CASP14: variants seen among roughly 807,000 people sequenced by gnomAD.
CASP14 encodes caspase-14.
A neutral mutation model predicts 28.4 loss-of-function variants in CASP14; 27 were observed. That is an observed-to-expected ratio of 0.95 (90% confidence interval 0.70 to 1.31). The LOEUF is 1.31. Among genes scored for constraint, CASP14 ranks in the 50% most tolerant of loss-of-function variants. CASP14 has a pLI of 0.00. For missense variants in CASP14, 323 were observed against 312.8 expected (o/e 1.03, Z -0.25); for synonymous variants, 115 against 118.6 (o/e 0.97, Z 0.20).
At position 15,053,931 on chromosome 19, in the gene CASP14, G is replaced by T. The variant is rs764966381; in HGVS notation, c.376G>T (p.Val126Leu). The T allele has an allele frequency of 6.2e-7, 1 of 1,614,004 alleles. No individual in the cohort carries two copies. Among genetic ancestry groups the T allele is most frequent in the Non-Finnish European group, 8.5e-7 (1 of 1,180,008 alleles). ...CCAGGCCCTGCGAGCTAAGCCCAAG[G>T]TGTACATCATACAGGCCTGTCGAGG... ...NCQALRAKPK[V>L]YIIQACRGEQ... The change falls in exon 4 of 7, where the codon GTG becomes TTG. Residue 126 changes from valine to leucine, a missense_variant. Coordinates refer to ENST00000427043, the MANE Select transcript of CASP14 (RefSeq NM_012114.3).
chr19:15,055,315 C>T (rs1289063205), intron 5 of CASP14, 41 bp downstream of exon 5: 2 of 1,576,404 alleles, frequency 1.3e-6, no homozygotes, highest in Admixed American at 1.7e-5. Flanking sequence ...TCTGCTCTTC[C>T]CCCTCTCCTG....
intron 4 of CASP14, among the ~76,000 whole-genome samples, chr19:15,054,582 CTAAAAAGTTAAATTAAAT>C (rs918062182): frequency 6.6e-6 from 1 of 151,534 alleles, no homozygotes; most frequent in Non-Finnish European, 1.5e-5. Flanking sequence ...GCCCCTGTCT[CTAAAAAGTTAAATTAAAT>C]TAAAAAGCCC....
chr19:15,052,144 T>C, intron 1 of CASP14, 62 bp from the exon 2 acceptor site: 1 of 1,254,186 alleles, frequency 8.0e-7, no homozygotes, highest in Non-Finnish European at 1.1e-6. Flanking sequence ...TAAGCCAGTT[T>C]GTCCCCTGAG....
At chr19:15,051,590 T>G (rs1035197704) in intron 1 of CASP14, among the ~76,000 whole-genome samples, 1 of 149,424 alleles carries the variant, frequency 6.7e-6, no homozygotes, top group African/African-American at 2.5e-5. Flanking sequence ...GCCAAGAGTA[T>G]GACAAAAGTC....
At chr19:15,054,324 T>A (rs1024334781) in intron 4 of CASP14, among the ~76,000 whole-genome samples, 3 of 152,212 alleles carry the variant, frequency 2.0e-5, no homozygotes, top group Non-Finnish European at 4.4e-5. Context: ...ATGCCTGTAA[T>A]TCCAGTACTT....
At chr19:15,051,134 G>A (rs915259539) in intron 1 of CASP14, among the ~76,000 whole-genome samples, 20 of 151,864 alleles carry the variant, frequency 1.3e-4, no homozygotes, top group African/African-American at 4.6e-4. Flanking sequence ...ATGAATGGAT[G>A]GTTGATGGGG....
intron 1 of CASP14, among the ~76,000 whole-genome samples, 176 bp from the exon 2 acceptor site, chr19:15,052,030 G>C (rs996962308): frequency 2.0e-5 from 3 of 152,072 alleles, no homozygotes; most frequent in African/African-American, 7.2e-5. Context: ...TCATTCTAGG[G>C]GTGATATATT....
intron 3 of CASP14, 45 bp downstream of exon 3, chr19:15,053,676 G>A (rs1568315126): frequency 1.2e-6 from 2 of 1,613,922 alleles, no homozygotes; most frequent in Non-Finnish European, 1.7e-6. Flanking sequence ...AAAGGTACTA[G>A]GTTGGAAGTG....
At chr19:15,051,590 T>C (rs1035197704) in intron 1 of CASP14, among the ~76,000 whole-genome samples, 3 of 149,424 alleles carry the variant, frequency 2.0e-5, no homozygotes, top group Admixed American at 6.7e-5. Flanking sequence ...GCCAAGAGTA[T>C]GACAAAAGTC....
At chr19:15,052,600 C>T (rs947646536) in intron 2 of CASP14, among the ~76,000 whole-genome samples, 3 of 152,164 alleles carry the variant, frequency 2.0e-5, no homozygotes, top group African/African-American at 4.8e-5. Flanking sequence ...CTGGGGTGCT[C>T]AGTACGCTGC....
rs140739098 is a variant in CASP14 at position 15,053,883 on chromosome 19, G to A, written c.328G>A (p.Glu110Lys). ...GEMVKLENLF[E>K]ALNNKNCQAL... ...GATGGTCAAGCTGGAGAATCTCTTC[G>A]AGGCCCTGAACAACAAGAACTGCCA... Residue 110 changes from glutamate (E) to lysine (K), a missense_variant, in exon 4 of 7, where the codon GAG becomes AAG. Transcript: ENST00000427043. 2.0e-5 allele frequency: 33 copies of A among 1,613,994 alleles called. No individual in the cohort carries two copies. Among genetic ancestry groups the A allele is most frequent in the African/African-American group, 1.9e-4 (14 of 74,918 alleles).
chr19:15,055,408 C>T (rs537815880), intron 5 of CASP14, 22 bp from the exon 6 acceptor site: 1 of 1,609,764 alleles, frequency 6.2e-7, no homozygotes, highest in Admixed American at 1.7e-5. Flanking sequence ...CTCCCCCGAA[C>T]CCACCTCTCT....
intron 1 of CASP14, among the ~76,000 whole-genome samples, chr19:15,051,895 A>T (rs911829354): frequency 7.2e-5 from 11 of 151,946 alleles, no homozygotes; most frequent in Non-Finnish European, 1.5e-5. Context: ...AGTTCAGTCC[A>T]CCAGAAGCTG....
chr19:15,049,899 CA>C (rs2046081770), intron 1 of CASP14, among the ~76,000 whole-genome samples: 1 of 152,016 alleles, frequency 6.6e-6, no homozygotes, highest in Admixed American at 6.6e-5. Flanking sequence ...TGCTCCCTGC[CA>C]CACTGTTGGC....
chr19:15,052,145 G>T, intron 1 of CASP14, 61 bp from the exon 2 acceptor site: 1 of 1,268,860 alleles, frequency 7.9e-7, no homozygotes, highest in Non-Finnish European at 1.1e-6. Context: ...AAGCCAGTTT[G>T]TCCCCTGAGC....
chr19:15,056,182 T>G lies in CASP14; in HGVS notation c.*93T>G. On this transcript the variant is annotated 3_prime_UTR_variant, in exon 7 of 7. Transcript: ENST00000427043. Reference sequence around the variant, plus strand: ...TCTTACCTCTCCCCAAGATCTTCTGTTCCCAAGGCCAAATGGCACCCAGTT... The same window carrying G: ...TCTTACCTCTCCCCAAGATCTTCTGGTCCCAAGGCCAAATGGCACCCAGTT... The G allele has an allele frequency of 9.8e-7, 1 of 1,022,694 alleles. No individual in the cohort carries two copies. Among genetic ancestry groups the G allele is most frequent in the Non-Finnish European group, 1.5e-6 (1 of 677,532 alleles). The allele number at this position is 1,022,694 out of a possible 1,614,324, so 63.4% of individuals were successfully genotyped here.
chr19:15,055,555 G>T, intron 6 of CASP14, 22 bp downstream of exon 6: 1 of 1,577,930 alleles, frequency 6.3e-7, no homozygotes, highest in Non-Finnish European at 8.7e-7. Context: ...AAAGGTAGCT[G>T]GGACCACCGC....
chr19:15,050,306 G>T (rs1820069525), intron 1 of CASP14, among the ~76,000 whole-genome samples: 1 of 82,012 alleles, frequency 1.2e-5, no homozygotes, highest in East Asian at 2.9e-4. Context: ...GTGTGTGTGT[G>T]TGAGTGTGTG....
chr19:15,055,514 T>C lies in CASP14; in HGVS notation c.605T>C (p.Ile202Thr). Residue 202 changes from isoleucine (I) to threonine (T), a missense_variant, in exon 6 of 7, where the codon ATC becomes ACC. Coordinates refer to ENST00000427043, the MANE Select transcript of CASP14 (RefSeq NM_012114.3). ...VDVFTKRKGH[I>T]LELLTEVTRR... ...GTGTTCACGAAGAGGAAAGGACATA[T>C]CTTGGAACTTCTGACAGAGGTGAGT... 1 of 1,613,858 alleles carries C rather than the reference T, an allele frequency of 6.2e-7. No homozygotes were observed. Among genetic ancestry groups the C allele is most frequent in the Non-Finnish European group, 8.5e-7 (1 of 1,179,776 alleles).
Sources: gnomAD v4.1 joint callset for allele counts (sites outside exome capture counted in the v4.1 genomes callset) on GRCh38, gnomAD v4.1.1 for gene constraint, MANE v1.5 for transcripts, NCBI Gene and HGNC (gene_info 2026-07-23, HGNC 2026-07-21) for gene names.